The following BIN3 variants were observed in gnomAD, a reference collection of about 807,000 sequenced individuals.
The protein encoded by BIN3 is bridging integrator 3.
Under a neutral mutation model 38.2 loss-of-function variants are expected in BIN3, and 41 were observed. The observed-to-expected ratio is 1.07, with a 90% CI of 0.84 to 1.39. The LOEUF is 1.39. Among genes scored for constraint, BIN3 ranks in the 40% most tolerant of loss-of-function variants. The pLI is 0.00. For missense variants in BIN3, 361 were observed against 324.3 expected, an observed-to-expected ratio of 1.11 and a Z score of -0.87; for synonymous variants, 145 against 122.6, an observed-to-expected ratio of 1.18 and a Z score of -1.21.
intron 2 of BIN3, among the ~76,000 whole-genome samples, chr8:22,638,393 C>T (rs1802438916): frequency 6.6e-6 from 1 of 152,246 alleles, no homozygotes; most frequent in Non-Finnish European, 1.5e-5. Context: ...AGGCTAGAAT[C>T]CAGAGTCCTG....
At chr8:22,640,546 A>G (rs1033982753) in intron 2 of BIN3, among the ~76,000 whole-genome samples, 3 of 152,112 alleles carry the variant, frequency 2.0e-5, no homozygotes, top group Non-Finnish European at 2.9e-5. Flanking sequence ...TTACTTATTA[A>G]AAGTATTTAT....
At chr8:22,630,290 T>C (rs1438867231) in intron 5 of BIN3, among the ~76,000 whole-genome samples, 152 bp downstream of exon 5, 1 of 152,230 alleles carries the variant, frequency 6.6e-6, no homozygotes, top group Non-Finnish European at 1.5e-5. Flanking sequence ...GAAAGAGCCC[T>C]GTGGGCTTGC....
At chr8:22,665,024 C>T (rs1301294848) in intron 1 of BIN3, among the ~76,000 whole-genome samples, 5 of 152,204 alleles carry the variant, frequency 3.3e-5, no homozygotes, top group Non-Finnish European at 5.9e-5. Context: ...AGCTCTATGT[C>T]GCTCCTGTTC....
chr8:22,627,254 C>T (rs1802032255), intron 6 of BIN3, among the ~76,000 whole-genome samples: 1 of 152,198 alleles, frequency 6.6e-6, no homozygotes, highest in Admixed American at 6.5e-5. Context: ...TTTCTACATT[C>T]AGTGGGAACT....
intron 8 of BIN3, chr8:22,622,618 C>G (rs1240928639): frequency 6.6e-6 from 1 of 152,366 alleles, no homozygotes; most frequent in Non-Finnish European, 1.5e-5. Flanking sequence ...CCCAGCAATG[C>G]TGCCTGGTTA....
intron 1 of BIN3, among the ~76,000 whole-genome samples, chr8:22,656,511 A>C (rs1221109385): frequency 6.6e-6 from 1 of 152,240 alleles, no homozygotes; most frequent in Non-Finnish European, 1.5e-5. Context: ...AGACAGTCTT[A>C]GGGTATGAAA....
At chr8:22,651,354 A>C (rs911312832) in intron 1 of BIN3, among the ~76,000 whole-genome samples, 5 of 152,196 alleles carry the variant, frequency 3.3e-5, no homozygotes, top group Admixed American at 3.3e-4. Context: ...GCCTCGCTCC[A>C]ACCTGGACTG....
intron 4 of BIN3, among the ~76,000 whole-genome samples, chr8:22,632,369 G>A (rs963473305): frequency 1.3e-5 from 2 of 152,172 alleles, no homozygotes; most frequent in Non-Finnish European, 2.9e-5. Context: ...CACCCTCCTG[G>A]GGTTTTTCTG....
Position 22,644,820 on chromosome 8 carries a change from CAA to C in BIN3, c.9-19_9-18del, listed in dbSNP as rs758169710. The C allele has an allele frequency of 2.6e-5, 41 of 1,605,016 alleles. No homozygotes were observed. Among genetic ancestry groups the C allele is most frequent in the Non-Finnish European group, 3.4e-5 (40 of 1,174,614 alleles). On this transcript the variant is annotated intron_variant, in intron 1 of 8. Coordinates refer to ENST00000276416, the MANE Select transcript of BIN3 (RefSeq NM_018688.6). ...AAAGGAATCCTATAAGAGAAAGAGA[CAA>C]AGAGAGATATTGTGAGAAGTGGGGA... is the stretch of plus-strand genomic sequence containing the variant.
At chr8:22,630,292 T>G in intron 5 of BIN3, 150 bp downstream of exon 5, 1 of 1,188,970 alleles carries the variant, frequency 8.4e-7, no homozygotes. Context: ...AAGAGCCCTG[T>G]GGGCTTGCAG....
chr8:22,630,418 C>T, intron 5 of BIN3, 24 bp downstream of exon 5: 7 of 1,612,906 alleles, frequency 4.3e-6, no homozygotes, highest in Non-Finnish European at 5.9e-6. Flanking sequence ...CATGCTTGCC[C>T]ACCCCACACC....
At chr8:22,653,880 C>T (rs1237822309) in intron 1 of BIN3, among the ~76,000 whole-genome samples, 1 of 97,036 alleles carries the variant, frequency 1.0e-5, no homozygotes, top group African/African-American at 4.1e-5. Context: ...GTACAGAATT[C>T]TTTGGAGGTG....
rs754276468 is a variant in BIN3 at position 22,621,365 on chromosome 8, G to A, written c.*57C>T. ...TGAGAGGAGCAGCTAGCCCTGAGAA[G>A]GGCAAGGATGAATGAGGCTGACCAC... On this transcript the variant is annotated 3_prime_UTR_variant, in exon 9 of 9. Coordinates refer to ENST00000276416, the MANE Select transcript of BIN3 (RefSeq NM_018688.6). 140 of 1,567,060 alleles carry A rather than the reference G, an allele frequency of 8.9e-5. No individual in the cohort carries two copies. Among genetic ancestry groups the A allele is most frequent in the Middle Eastern group, 3.4e-4 (2 of 5,938 alleles).
chr8:22,629,062 C>G (rs1011728384), intron 6 of BIN3, among the ~76,000 whole-genome samples: 1 of 152,216 alleles, frequency 6.6e-6, no homozygotes, highest in Non-Finnish European at 1.5e-5. Flanking sequence ...TAGGGTCAGG[C>G]GGGCCTTTTC....
intron 6 of BIN3, chr8:22,625,062 T>C: frequency 2.4e-6 from 1 of 425,056 alleles, no homozygotes; most frequent in Non-Finnish European, 4.2e-6. Context: ...CCGCCAAAGT[T>C]CCAACCAGCT....
At chr8:22,666,462 G>C (rs1239953879) in intron 1 of BIN3, among the ~76,000 whole-genome samples, 1 of 152,156 alleles carries the variant, frequency 6.6e-6, no homozygotes. Flanking sequence ...TTTGGCTTGA[G>C]GCCAAGAAGT....
At chr8:22,641,408 A>C (rs957183402) in intron 2 of BIN3, among the ~76,000 whole-genome samples, 8 of 152,182 alleles carry the variant, frequency 5.3e-5, no homozygotes, top group African/African-American at 1.9e-4. Context: ...GTGGGAACTC[A>C]GTATGAAGTG....
intron 1 of BIN3, among the ~76,000 whole-genome samples, chr8:22,653,163 T>C (rs900216589): frequency 1.3e-5 from 2 of 152,222 alleles, no homozygotes; most frequent in African/African-American, 4.8e-5. Flanking sequence ...ATGTCTGTCT[T>C]TGAAGGAGGG....
rs1281502995 is a variant in BIN3, at chr8:22,623,923, G to A, written c.607C>T (p.Arg203Ter). 14 of 1,611,532 alleles carry A rather than the reference G, an allele frequency of 8.7e-6. No individual in the cohort carries two copies. Among genetic ancestry groups the A allele is most frequent in the African/African-American group, 5.3e-5 (4 of 74,904 alleles). ...GCACCTGGCGGCCTCACCTGAGCTC[G>A]GATGAGGGACTCAAAGCTGGGCTGG... Reference protein sequence around the residue: ...YFQPSFESLIRAQVVYYSEMH... With the variant: ...YFQPSFESLI The change falls in exon 8 of 9, where the codon CGA becomes TGA. Residue 203 changes from arginine (R) to a stop codon, truncating the protein, a stop_gained. Transcript: ENST00000276416. LOFTEE classifies it high-confidence loss of function.
Sources: gnomAD v4.1 joint callset for allele counts (sites outside exome capture counted in the v4.1 genomes callset) on GRCh38, gnomAD v4.1.1 for gene constraint, MANE v1.5 for transcripts, NCBI Gene and HGNC (gene_info 2026-07-23, HGNC 2026-07-21) for gene names.